The following FRMPD3 variants were observed in gnomAD, a reference collection of about 807,000 sequenced individuals.
The protein encoded by FRMPD3 is FERM and PDZ domain-containing protein 3.
Under a neutral mutation model 97.9 loss-of-function variants are expected in FRMPD3, and 42 were observed. The observed-to-expected ratio is 0.43, with a 90% CI of 0.34 to 0.55. FRMPD3 has a LOEUF of 0.55. Ranked by LOEUF, FRMPD3 falls within the 20% of genes least tolerant of loss-of-function variation. FRMPD3 has a pLI of 0.03. For missense variants in FRMPD3, 1,303 were observed against 1,457.7 expected (o/e 0.89, Z 1.73); for synonymous variants, 577 against 581.1 (o/e 0.99, Z 0.10).
chrX:107,493,120 T>C (rs1452353493), intron 1 of FRMPD3, among the ~76,000 whole-genome samples: 1 of 88,348 alleles, frequency 1.1e-5, no homozygotes, highest in African/African-American at 4.7e-5. Flanking sequence ...GTTAAGGCTA[T>C]AGAGAGCTGT....
At chrX:107,491,194 C>T (rs1374930633) in intron 1 of FRMPD3, among the ~76,000 whole-genome samples, 1 of 112,061 alleles carries the variant, frequency 8.9e-6, no homozygotes, top group Non-Finnish European at 1.9e-5. Context: ...ACAGCAACAT[C>T]ATCACTGTTG....
intron 1 of FRMPD3, among the ~76,000 whole-genome samples, chrX:107,467,982 A>C (rs2147890717): frequency 9.0e-6 from 1 of 111,672 alleles, no homozygotes; most frequent in South Asian, 3.8e-4. Flanking sequence ...TCCACTACAA[A>C]GACTCTTCCC....
intron 5 of FRMPD3, among the ~76,000 whole-genome samples, chrX:107,546,375 AATAAATACC>A (rs1251020715): frequency 8.9e-6 from 1 of 112,124 alleles, no homozygotes; most frequent in African/African-American, 3.2e-5. Context: ...GGGGAGGCAA[AATAAATACC>A]TGTTCCCTGC....
In FRMPD3 at chrX:107,598,161, T is replaced by G. The variant is rs1355179189; in HGVS notation, c.2263+19T>G. 1 of 1,157,694 alleles carries G rather than the reference T, an allele frequency of 8.6e-7. No homozygotes were observed. Among genetic ancestry groups the G allele is most frequent in the Admixed American group, 2.2e-5 (1 of 44,448 alleles). Reference sequence around the variant, plus strand: ...ACTGCAGGTAATGACCGATTCCTTCTCCCTCTTTCCACCCCCTTCTCTTGT... The same window carrying G: ...ACTGCAGGTAATGACCGATTCCTTCGCCCTCTTTCCACCCCCTTCTCTTGT... On this transcript the variant is annotated intron_variant, in intron 14 of 14. Coordinates refer to ENST00000683843, the MANE Select transcript of FRMPD3 (RefSeq NM_001388459.1).
intron 1 of FRMPD3, among the ~76,000 whole-genome samples, chrX:107,464,310 C>T (rs749533192): frequency 5.4e-5 from 6 of 111,215 alleles, no homozygotes; most frequent in Non-Finnish European, 1.1e-4. Flanking sequence ...ATCACGTTCC[C>T]TCAAGTCTAT....
At chrX:107,561,916 C>T (rs1922382042) in intron 10 of FRMPD3, among the ~76,000 whole-genome samples, 1 of 112,189 alleles carries the variant, frequency 8.9e-6, no homozygotes, top group Admixed American at 9.4e-5. Flanking sequence ...ATGAAGAGGG[C>T]CTGGTCTTGG....
At chrX:107,545,894 C>A in intron 5 of FRMPD3, 53 bp downstream of exon 5, 1 of 957,125 alleles carries the variant, frequency 1.0e-6, no homozygotes, top group South Asian at 2.0e-5. Flanking sequence ...ATCTGCCTGG[C>A]TGTCAAGCTC....
At chrX:107,598,227 G>A (rs1924312322) in intron 14 of FRMPD3, 85 bp downstream of exon 14, 1 of 827,219 alleles carries the variant, frequency 1.2e-6, no homozygotes, top group Non-Finnish European at 1.7e-6. Flanking sequence ...TTCCCAAATA[G>A]GTGTCAGAGT....
chrX:107,508,745 C>T (rs1167890095), intron 1 of FRMPD3, among the ~76,000 whole-genome samples: 5 of 111,866 alleles, frequency 4.5e-5, no homozygotes, highest in Admixed American at 1.9e-4. Context: ...AGTGATTGTA[C>T]AGGTTGGCGG....
intron 1 of FRMPD3, among the ~76,000 whole-genome samples, chrX:107,461,332 G>T (rs1931467718): frequency 9.0e-6 from 1 of 111,221 alleles, no homozygotes; most frequent in Admixed American, 9.6e-5. Context: ...TCTTCAGCAG[G>T]CTGTATCTCT....
intron 12 of FRMPD3, among the ~76,000 whole-genome samples, chrX:107,566,927 C>T (rs981758939): frequency 9.0e-6 from 1 of 111,259 alleles, no homozygotes; most frequent in African/African-American, 3.3e-5. Context: ...ATGAATGCTG[C>T]CCTGGAGAGG....
At chrX:107,535,931 A>G (rs1017549543) in intron 4 of FRMPD3, among the ~76,000 whole-genome samples, 3 of 111,322 alleles carry the variant, frequency 2.7e-5, no homozygotes, top group Non-Finnish European at 3.8e-5. Flanking sequence ...AACTTAAAAA[A>G]ATCACTGGAC....
rs560731680 is a variant in FRMPD3 at position 107,486,599 on chromosome X, A to T, written c.-8+36594A>T. 2.0e-4 allele frequency among the ~76,000 whole-genome samples: 22 copies of T among 112,214 alleles called. 1 individual carries two copies. Among genetic ancestry groups the T allele is most frequent in the African/African-American group, 6.8e-4 (21 of 30,908 alleles). ...TGTCCCAGTACCATTTGTTGAAGAG[A>T]TTATTCTTTTGCCATTGAAAGTTCC... On this transcript the variant is annotated intron_variant, in intron 1 of 14. Transcript: ENST00000683843.
chrX:107,578,024 A>G (rs1923209408), intron 13 of FRMPD3, among the ~76,000 whole-genome samples: 1 of 111,792 alleles, frequency 8.9e-6, no homozygotes, highest in South Asian at 3.8e-4. Flanking sequence ...ATACTAGCAA[A>G]CCTACAGATG....
intron 10 of FRMPD3, among the ~76,000 whole-genome samples, chrX:107,561,180 G>C (rs1194907974): frequency 9.0e-6 from 1 of 111,038 alleles, no homozygotes; most frequent in Non-Finnish European, 1.9e-5. Context: ...GAAAGCACTG[G>C]ACCCTAGGGA....
chrX:107,520,962 G>A (rs944105300), intron 1 of FRMPD3, among the ~76,000 whole-genome samples: 11 of 111,577 alleles, frequency 9.9e-5, no homozygotes, highest in Non-Finnish European at 1.5e-4. Context: ...TATTGTTTTC[G>A]GCACTGTCCC....
At chrX:107,453,302 T>C (rs1402231030) in intron 1 of FRMPD3, among the ~76,000 whole-genome samples, 1 of 110,670 alleles carries the variant, frequency 9.0e-6, no homozygotes, top group Non-Finnish European at 1.9e-5. Context: ...AAAGAGAGGC[T>C]CATGCAGACA....
intron 1 of FRMPD3, among the ~76,000 whole-genome samples, chrX:107,526,103 T>G (rs1301737683): frequency 9.0e-6 from 1 of 111,136 alleles, no homozygotes; most frequent in Non-Finnish European, 1.9e-5. Context: ...AAAAAAAAAT[T>G]TAAAATATTG....
chrX:107,468,340 T>C (rs1185176491), intron 1 of FRMPD3, among the ~76,000 whole-genome samples: 4 of 112,371 alleles, frequency 3.6e-5, no homozygotes. Context: ...ATTTTTTTCA[T>C]TCAACGAACA....
Sources: gnomAD v4.1 joint callset for allele counts (sites outside exome capture counted in the v4.1 genomes callset) on GRCh38, gnomAD v4.1.1 for gene constraint, MANE v1.5 for transcripts, NCBI Gene and HGNC (gene_info 2026-07-23, HGNC 2026-07-21) for gene names.